The following SLC25A10 variants were observed in gnomAD, a reference collection of about 807,000 sequenced individuals.
SLC25A10 encodes the protein mitochondrial dicarboxylate carrier.
SLC25A10 carries 32 observed loss-of-function variants against 40.4 expected under a neutral mutation model. The ratio of observed to expected loss-of-function variants is 0.79; its 90% CI spans 0.60 to 1.06. The LOEUF (loss-of-function observed/expected upper bound fraction) is 1.06. SLC25A10 is among the 50% of genes least tolerant of loss of function. The pLI is 0.00. For missense variants in SLC25A10, 394 were observed against 402.6 expected (o/e 0.98, Z 0.18); for synonymous variants, 181 against 171.1 (o/e 1.06, Z -0.45).
chr17:81,720,430 C>T lies in SLC25A10; in HGVS notation c.*353C>T. 1.5e-6 allele frequency: 2 copies of T among 1,368,298 alleles called. No individual in the cohort carries two copies. 84.8% of individuals were successfully genotyped at this position (1,368,298 alleles called of 1,614,324 possible). On this transcript the variant is annotated 3_prime_UTR_variant, in exon 11 of 11. Transcript: ENST00000350690. ...TTATCCCTGCCTCCTGCCCCCGATG[C>T]CCAAAGCAGCATCTTCCAGCACTTT...
At position 81,714,948 on chromosome 17, in the gene SLC25A10, C is replaced by A. The variant is rs780666398; in HGVS notation, c.94-5C>A. On this transcript the variant is annotated splice_polypyrimidine_tract_variant and splice_region_variant and intron_variant, in intron 1 of 10. Transcript: ENST00000350690. ...TGTGGGGTCTGAGAGCACTCACTCC[C>A]GCAGGTGCATCTGCAGACGCAGCAG... 1.9e-5 allele frequency: 31 copies of A among 1,606,948 alleles called. No individual in the cohort carries two copies. The highest frequency in any genetic ancestry group is 2.7e-5 in the African/African-American group (2 of 74,878).
chr17:81,715,637 C>G, intron 3 of SLC25A10, 45 bp downstream of exon 3: 1 of 1,612,316 alleles, frequency 6.2e-7, no homozygotes, highest in Non-Finnish European at 8.5e-7. Context: ...GTGGTCAGGT[C>G]GGCCGAGGAC....
intron 9 of SLC25A10, among the ~76,000 whole-genome samples, chr17:81,718,482 T>TA (rs2037529059): frequency 6.6e-6 from 1 of 151,430 alleles, no homozygotes; most frequent in African/African-American, 2.4e-5. Flanking sequence ...TGAAACTGTC[T>TA]CAAAAAAACA....
intron 9 of SLC25A10, among the ~76,000 whole-genome samples, chr17:81,719,259 G>C (rs796793374): frequency 3.6e-4 from 54 of 152,068 alleles, no homozygotes; most frequent in African/African-American, 9.9e-4. Flanking sequence ...GTAGAGACAA[G>C]GTTTCGCCAT....
intron 2 of SLC25A10, 81 bp from the exon 3 acceptor site, chr17:81,715,397 G>A: frequency 1.6e-6 from 2 of 1,263,480 alleles, no homozygotes; most frequent in Non-Finnish European, 2.3e-6. Flanking sequence ...CGGGCTGAGG[G>A]GGATCCCTGG....
Position 81,719,960 on chromosome 17 carries a change from C to T in SLC25A10, c.763-16C>T, listed in dbSNP as rs1431991281. The T allele has an allele frequency of 5.6e-6, 9 of 1,613,638 alleles. No homozygotes were observed. The highest frequency in any genetic ancestry group is 6.8e-6 in the Non-Finnish European group (8 of 1,180,044). The stretch of plus-strand genomic sequence containing the variant: ...CTTCGGGCTCTGTGTCTCTCATTTT[C>T]CCTGTCTCCCTCCAGGGCCTCGTCC... On this transcript the variant is annotated splice_polypyrimidine_tract_variant and intron_variant, in intron 10 of 10. Transcript: ENST00000350690.
Position 81,720,166 on chromosome 17 carries a change from A to T in SLC25A10, c.*89A>T. 6.4e-7 allele frequency: 1 copy of T among 1,560,226 alleles called. No homozygotes were observed. The highest frequency in any genetic ancestry group is 8.6e-7 in the Non-Finnish European group (1 of 1,159,876). On this transcript the variant is annotated 3_prime_UTR_variant, in exon 11 of 11. Transcript: ENST00000350690. The stretch of plus-strand genomic sequence containing the variant: ...CCCAGCACCTGCTCCTGGGGCCACG[A>T]CCTCCCTGGCCGTGGCCACCCGTCC...
rs779858732 is a variant in SLC25A10 at position 81,720,015 on chromosome 17, G to A, written c.802G>A (p.Val268Met). The part of the protein sequence containing the change: ...PAGIRLIPHT[V>M]LTFVFLEQLR... The stretch of plus-strand genomic sequence containing the variant: ...TGGCATCCGCCTCATCCCCCACACC[G>A]TGCTCACTTTTGTGTTTCTGGAACA... Residue 268 changes from valine (V) to methionine (M), a missense_variant, in exon 11 of 11, where the codon GTG (valine) becomes ATG (methionine). Coordinates refer to ENST00000350690, the MANE Select transcript of SLC25A10 (RefSeq NM_012140.5). 14 of 1,613,682 alleles carry A rather than the reference G, an allele frequency of 8.7e-6. No homozygotes were observed. The highest frequency in any genetic ancestry group is 3.3e-5 in the South Asian group (3 of 91,080).
At position 81,712,296 on chromosome 17, in the gene SLC25A10, C is replaced by CG. The variant is rs1038613889; in HGVS notation, c.-127dup. The CG allele has an allele frequency of 4.3e-4, 164 of 381,240 alleles. 1 individual carries two copies. The highest frequency in any genetic ancestry group is 8.6e-4 in the South Asian group (8 of 9,298). The allele number at this position is 381,240 out of a possible 1,614,324, so 23.6% of individuals were successfully genotyped here. A position where few individuals can be genotyped will look rare whatever the true frequency, so the allele number is the denominator to read the frequency against. On this transcript the variant is annotated 5_prime_UTR_variant, in exon 1 of 11. Transcript: ENST00000350690. Reference sequence around the variant, plus strand: ...GGGGCGCGCGCGCGCATTGGCTGTGCGGGGTGCGGGCGCGCGGGCGGCGCT... The same window carrying CG: ...GGGGCGCGCGCGCGCATTGGCTGTGCGGGGGTGCGGGCGCGCGGGCGGCGCT...
chr17:81,716,382 C>T (rs1019249996), intron 5 of SLC25A10, among the ~76,000 whole-genome samples: 5 of 152,200 alleles, frequency 3.3e-5, no homozygotes, highest in African/African-American at 1.2e-4. Flanking sequence ...CTGCCCAGCT[C>T]AGGGCAGCTG....
In SLC25A10 at chr17:81,712,351, G is replaced by GGCGCTGC; in HGVS notation, c.-74_-68dup. ...ACCGGGCGCGGGGCGCGGGGCGCGG[G>GGCGCTGC]GCGCTGCGGCCGGTACACGCCGGGG... On this transcript the variant is annotated 5_prime_UTR_variant, in exon 1 of 11. Transcript: ENST00000350690. 1.0e-6 allele frequency: 1 copy of GGCGCTGC among 990,886 alleles called. No individual in the cohort carries two copies. Among genetic ancestry groups the GGCGCTGC allele is most frequent in the Non-Finnish European group, 1.3e-6 (1 of 779,258 alleles). The allele number at this position is 990,886 out of a possible 1,614,324, so 61.4% of individuals were successfully genotyped here. A position where few individuals can be genotyped will look rare whatever the true frequency, so the allele number is the denominator to read the frequency against.
Position 81,720,009 on chromosome 17 carries a change from C to T in SLC25A10, c.796C>T (p.His266Tyr), listed in dbSNP as rs750301292. Reference sequence around the variant, plus strand: ...CCCAGCTGGCATCCGCCTCATCCCCCACACCGTGCTCACTTTTGTGTTTCT... The same window carrying T: ...CCCAGCTGGCATCCGCCTCATCCCCTACACCGTGCTCACTTTTGTGTTTCT... ...LVPAGIRLIP[H>Y]TVLTFVFLEQ... Residue 266 changes from histidine (H) to tyrosine (Y), a missense_variant, in exon 11 of 11, where the codon CAC becomes TAC. Physicochemically the swap from His to Tyr is moderately conservative, Grantham distance 83. Transcript: ENST00000350690. 1 of 1,613,858 alleles carries T rather than the reference C, an allele frequency of 6.2e-7. No homozygotes were observed. The highest frequency in any genetic ancestry group is 2.2e-5 in the East Asian group (1 of 44,886).
At chr17:81,719,692 C>T (rs539772437) in intron 9 of SLC25A10, 139 bp from the exon 10 acceptor site, 12 of 1,004,774 alleles carry the variant, frequency 1.2e-5, no homozygotes, top group South Asian at 2.9e-5. Context: ...CAGCAGCCGC[C>T]GCTCACACCC....
Position 81,719,895 on chromosome 17 carries a change from G to C in SLC25A10, c.762+8G>C, listed in dbSNP as rs764709065. 6.2e-7 allele frequency: 1 copy of C among 1,613,832 alleles called. No individual in the cohort carries two copies. Among genetic ancestry groups the C allele is most frequent in the East Asian group, 2.2e-5 (1 of 44,880 alleles). On this transcript the variant is annotated splice_region_variant and intron_variant, in intron 10 of 10. Transcript: ENST00000350690. ...CCTCTGGCCTTTTACAAGGTGCAGT[G>C]GTGGCGGCAGTGGCGGCTTGGGCAA... is the stretch of plus-strand genomic sequence containing the variant.
At chr17:81,715,856 C>G in intron 4 of SLC25A10, 115 bp downstream of exon 4, 1 of 1,462,156 alleles carries the variant, frequency 6.8e-7, no homozygotes, top group Non-Finnish European at 9.5e-7. Context: ...CCACTGAGAC[C>G]CTGGTGTCCT....
intron 9 of SLC25A10, among the ~76,000 whole-genome samples, chr17:81,718,688 G>T (rs369680173): frequency 6.6e-6 from 1 of 150,470 alleles, no homozygotes; most frequent in Admixed American, 6.7e-5. Context: ...GGTGGCTCAC[G>T]CCTGTAATCC....
rs531014876 is a variant in SLC25A10 at position 81,720,064 on chromosome 17, A to G, written c.851A>G (p.Lys284Arg). Residue 284 changes from lysine to arginine, a missense_variant, in exon 11 of 11, where the codon AAA (lysine) becomes AGA (arginine). Physicochemically the swap from Lys to Arg is conservative, Grantham distance 26. Coordinates refer to ENST00000350690, the MANE Select transcript of SLC25A10 (RefSeq NM_012140.5). Reference protein sequence around the residue: ...LEQLRKNFGIKVPS With the variant: ...LEQLRKNFGIRVPS ...CAGCTACGCAAAAACTTTGGCATCA[A>G]AGTGCCATCCTGACCAGCCGTGGGA... 3 of 1,613,172 alleles carry G rather than the reference A, an allele frequency of 1.9e-6. No homozygotes were observed. The highest frequency in any genetic ancestry group is 2.5e-6 in the Non-Finnish European group (3 of 1,180,006).
chr17:81,715,642 G>A (rs781215151), intron 3 of SLC25A10, 50 bp downstream of exon 3: 31 of 1,612,668 alleles, frequency 1.9e-5, no homozygotes, highest in African/African-American at 5.3e-5. Context: ...CAGGTCGGCC[G>A]AGGACGCCGT....
chr17:81,712,348 C>T lies in SLC25A10; in HGVS notation c.-79C>T, dbSNP rs1568227461. ...TGAACCGGGCGCGGGGCGCGGGGCG[C>T]GGGGCGCTGCGGCCGGTACACGCCG... is the stretch of plus-strand genomic sequence containing the variant. On this transcript the variant is annotated 5_prime_UTR_variant, in exon 1 of 11. Transcript: ENST00000350690. 4.1e-6 allele frequency: 4 copies of T among 976,624 alleles called. No individual in the cohort carries two copies. Among genetic ancestry groups the T allele is most frequent in the East Asian group, 7.5e-5 (2 of 26,762 alleles). The allele number at this position is 976,624 out of a possible 1,614,324, so 60.5% of individuals were successfully genotyped here. A position where few individuals can be genotyped will look rare whatever the true frequency, so the allele number is the denominator to read the frequency against.
Sources: allele counts gnomAD v4.1 joint callset (sites outside exome capture counted in the v4.1 genomes callset), GRCh38; gene constraint gnomAD v4.1.1; transcripts MANE v1.5; gene names NCBI Gene and HGNC (gene_info 2026-07-23, HGNC 2026-07-21).